The following DOCK10 variants were observed in gnomAD, a reference collection of about 807,000 sequenced individuals.
DOCK10 encodes the protein dedicator of cytokinesis protein 10.
A neutral mutation model predicts 280.1 loss-of-function variants in DOCK10; 145 were observed. The observed-to-expected ratio is 0.52, with a 90% CI of 0.45 to 0.59. The LOEUF is 0.59. DOCK10 is among the 20% of genes least tolerant of loss of function. The pLI, the probability that DOCK10 is intolerant of heterozygous loss-of-function variation, is 0.00. For missense variants in DOCK10, 2,368 were observed against 2,651.7 expected (o/e 0.89, Z 2.35); for synonymous variants, 915 against 942.2 (o/e 0.97, Z 0.53).
intron 50 of DOCK10, among the ~76,000 whole-genome samples, chr2:224,785,368 A>G (rs1691661143): frequency 6.6e-6 from 1 of 151,832 alleles, no homozygotes; most frequent in Admixed American, 6.6e-5. Flanking sequence ...CACTATCCTG[A>G]TATTCCTGTG....
At chr2:224,806,834 T>G (rs1282111462) in intron 33 of DOCK10, among the ~76,000 whole-genome samples, 1 of 152,138 alleles carries the variant, frequency 6.6e-6, no homozygotes, top group Non-Finnish European at 1.5e-5. Context: ...GGTCTTGAAC[T>G]CTTGGCCTCA....
intron 31 of DOCK10, among the ~76,000 whole-genome samples, chr2:224,812,815 C>T (rs907972369): frequency 1.3e-5 from 2 of 152,156 alleles, no homozygotes; most frequent in African/African-American, 4.8e-5. Flanking sequence ...GTTGAACCAG[C>T]CTTGCATCCC....
chr2:224,815,812 GATCACCTGAGGTCAGGAGTTGGAGACC>G, intron 30 of DOCK10, among the ~76,000 whole-genome samples: 1 of 152,266 alleles, frequency 6.6e-6, no homozygotes. Context: ...GACGTAGGCG[GATCACCTGAGGTCAGGAGTTGGAGACC>G]AGCCTGGCCA....
chr2:225,003,724 T>C (rs1367656019), intron 1 of DOCK10, among the ~76,000 whole-genome samples: 1 of 152,220 alleles, frequency 6.6e-6, no homozygotes. Flanking sequence ...CTAATGGCCA[T>C]CCTATCTCTT....
chr2:224,857,828 C>A (rs1235269519), intron 14 of DOCK10, among the ~76,000 whole-genome samples: 2 of 151,760 alleles, frequency 1.3e-5, no homozygotes, highest in African/African-American at 4.8e-5. Flanking sequence ...TTTTATCACT[C>A]TTTAAGTTAA....
rs534530209 is a variant in DOCK10 at position 224,877,317 on chromosome 2, T to C, written c.748-1096A>G. Reference sequence around the variant, plus strand: ...CATGTCTCCCTTAAGGCTACCTCCATGAGGACTGGGTCAGTTTTCCTAACC... The same window carrying C: ...CATGTCTCCCTTAAGGCTACCTCCACGAGGACTGGGTCAGTTTTCCTAACC... On this transcript the variant is annotated intron_variant, in intron 7 of 55. Coordinates refer to ENST00000258390, the MANE Select transcript of DOCK10 (RefSeq NM_014689.3). 5.3e-5 allele frequency among the ~76,000 whole-genome samples: 8 copies of C among 152,120 alleles called. No individual in the cohort carries two copies. In the South Asian group the frequency reaches 1.0e-3, roughly 20 times the overall value.
At chr2:224,855,670 A>G (rs941731629) in intron 15 of DOCK10, among the ~76,000 whole-genome samples, 1 of 152,150 alleles carries the variant, frequency 6.6e-6, no homozygotes, top group Non-Finnish European at 1.5e-5. Context: ...ACCTCTCGCC[A>G]ATCTTCCTTT....
chr2:224,984,644 G>T (rs185132711), intron 1 of DOCK10, among the ~76,000 whole-genome samples: 5 of 152,116 alleles, frequency 3.3e-5, no homozygotes, highest in East Asian at 3.9e-4. Context: ...AAGATGAAAC[G>T]CAGGAAAGAA....
chr2:224,804,929 T>A, intron 37 of DOCK10, 88 bp from the exon 38 acceptor site: 1 of 1,241,524 alleles, frequency 8.1e-7, no homozygotes, highest in Non-Finnish European at 1.1e-6. Flanking sequence ...AGAAAAATAT[T>A]AAATTTTCTT....
chr2:225,001,240 C>T (rs1384924143), intron 1 of DOCK10, among the ~76,000 whole-genome samples: 1 of 150,306 alleles, frequency 6.7e-6, no homozygotes, highest in Non-Finnish European at 1.5e-5. Context: ...GTGCTCGGGA[C>T]TTTGGTAAGT....
In DOCK10 at chr2:224,770,741, C is replaced by A; in HGVS notation, c.6205-96G>T. Reference sequence around the variant, plus strand: ...GCAACTGTGCACCAATGGTGTGGTACCCCCATCTCACACCCTGCCTTCTAG... The same window carrying A: ...GCAACTGTGCACCAATGGTGTGGTAACCCCATCTCACACCCTGCCTTCTAG... On this transcript the variant is annotated intron_variant, in intron 53 of 55. Coordinates refer to ENST00000258390, the MANE Select transcript of DOCK10 (RefSeq NM_014689.3). The surrounding 1 kb of genome is among the most constrained non-coding windows in gnomAD (Gnocchi z 4.5). The A allele has an allele frequency of 3.6e-6, 3 of 835,620 alleles. No individual in the cohort carries two copies. Among genetic ancestry groups the A allele is most frequent in the South Asian group, 1.5e-5 (1 of 66,380 alleles). 51.8% of individuals were successfully genotyped at this position (835,620 alleles called of 1,614,324 possible).
chr2:224,984,379 T>C (rs998681688), intron 1 of DOCK10, among the ~76,000 whole-genome samples: 1 of 152,252 alleles, frequency 6.6e-6, no homozygotes, highest in Non-Finnish European at 1.5e-5. Context: ...ATCAGATGTT[T>C]TGGCAGATGC....
At chr2:224,917,867 A>G (rs1701423468) in intron 2 of DOCK10, among the ~76,000 whole-genome samples, 1 of 152,178 alleles carries the variant, frequency 6.6e-6, no homozygotes, top group South Asian at 2.1e-4. Flanking sequence ...TGTGCACCTC[A>G]GTAGTTACAG....
At chr2:224,774,836 G>T in intron 52 of DOCK10, 69 bp downstream of exon 52, 2 of 1,402,188 alleles carry the variant, frequency 1.4e-6, no homozygotes, top group Non-Finnish European at 2.0e-6. Flanking sequence ...GATTCCTACT[G>T]ATCCAGCCCT....
chr2:224,990,476 C>T (rs1344296212), intron 1 of DOCK10, among the ~76,000 whole-genome samples: 2 of 152,126 alleles, frequency 1.3e-5, no homozygotes, highest in African/African-American at 4.8e-5. Context: ...AGTGCTGGGT[C>T]CAGTACCAAA....
chr2:225,028,748 C>T (rs1559978191), intron 1 of DOCK10, among the ~76,000 whole-genome samples: 1 of 152,152 alleles, frequency 6.6e-6, no homozygotes, highest in Non-Finnish European at 1.5e-5. Context: ...GGCCCAGGGG[C>T]ACAAGTGGGC....
chr2:224,770,547 G>A lies in DOCK10; in HGVS notation c.6303C>T (p.Phe2101=). Residue 2101 remains phenylalanine (F), a splice_region_variant and synonymous_variant, in exon 54 of 56, where the codon TTC becomes TTT. Transcript: ENST00000258390. This position sits in a 1 kb window ranked among gnomAD's most constrained non-coding sequence, Gnocchi z 4.5. The stretch of plus-strand genomic sequence containing the variant: ...CATCCCAACAGCGAGAAGCTTACCT[G>A]AAGATCTCCTTCAAAAGCTTTACTT... ...DNQVKLLKEI[F]RQFADACGQA... 1.9e-6 allele frequency: 3 copies of A among 1,612,600 alleles called. No homozygotes were observed. The highest frequency in any genetic ancestry group is 1.3e-5 in the African/African-American group (1 of 74,916).
In DOCK10 at chr2:224,800,139, C is replaced by G. The variant is rs377714267; in HGVS notation, c.4506+12G>C. ...CATCATTTTTTGCAGAAAATGTTAT[C>G]ATCATATTCACCTGATGAGTCTGTG... is the stretch of plus-strand genomic sequence containing the variant. On this transcript the variant is annotated intron_variant, in intron 41 of 55. Coordinates refer to ENST00000258390, the MANE Select transcript of DOCK10 (RefSeq NM_014689.3). 4 of 1,494,382 alleles carry G rather than the reference C, an allele frequency of 2.7e-6. No homozygotes were observed. The highest frequency in any genetic ancestry group is 3.7e-6 in the Non-Finnish European group (4 of 1,085,790). The allele number at this position is 1,494,382 out of a possible 1,614,324, so 92.6% of individuals were successfully genotyped here.
At chr2:224,962,952 T>C (rs867113248) in intron 1 of DOCK10, among the ~76,000 whole-genome samples, 1 of 152,162 alleles carries the variant, frequency 6.6e-6, no homozygotes, top group African/African-American at 2.4e-5. Context: ...GGTATATGAA[T>C]TTGTTGCCAG....
Sources: allele counts gnomAD v4.1 joint callset (sites outside exome capture counted in the v4.1 genomes callset), GRCh38; gene constraint gnomAD v4.1.1; non-coding constraint Gnocchi (gnomAD v3.1); transcripts MANE v1.5; gene names NCBI Gene and HGNC (gene_info 2026-07-23, HGNC 2026-07-21).